LRRC1: variants seen among roughly 807,000 people sequenced by gnomAD.
LRRC1 encodes the protein leucine-rich repeat-containing protein 1.
A neutral mutation model predicts 69.9 loss-of-function variants in LRRC1; 28 were observed. The observed-to-expected ratio is 0.40, with a 90% CI of 0.30 to 0.55. The LOEUF is 0.55. LRRC1 is among the 20% of genes least tolerant of loss of function. LRRC1 has a pLI of 0.47. For missense variants in LRRC1, 498 were observed against 609.0 expected, an observed-to-expected ratio of 0.82 and a Z score of 1.92; for synonymous variants, 236 against 240.2, an observed-to-expected ratio of 0.98 and a Z score of 0.16.
intron 6 of LRRC1, 40 bp from the exon 7 acceptor site, chr6:53,897,245 T>C (rs1218280733): frequency 7.4e-7 from 1 of 1,358,932 alleles, no homozygotes; most frequent in African/African-American, 1.4e-5. Context: ...GACTGAAAAT[T>C]GAATCTTTGT....
chr6:53,900,629 G>A (rs1216639021), intron 8 of LRRC1, among the ~76,000 whole-genome samples: 1 of 152,202 alleles, frequency 6.6e-6, no homozygotes, highest in African/African-American at 2.4e-5. Flanking sequence ...GGGAGGTGCT[G>A]AAAGAGTGGC....
At chr6:53,905,411 T>G (rs1768203201) in intron 10 of LRRC1, 1 of 151,968 alleles carries the variant, frequency 6.6e-6, no homozygotes. Flanking sequence ...AGTGCTTGGT[T>G]GGAGAAGGAT....
chr6:53,884,566 T>C (rs1767409711), intron 4 of LRRC1, among the ~76,000 whole-genome samples: 1 of 152,076 alleles, frequency 6.6e-6, no homozygotes, highest in African/African-American at 2.4e-5. Flanking sequence ...ACACCCAAAC[T>C]AACACTGTCC....
intron 2 of LRRC1, among the ~76,000 whole-genome samples, chr6:53,850,967 T>C (rs76357053): frequency 0.19 from 28,979 of 152,104 alleles, 2,991 homozygotes; most frequent in Middle Eastern, 0.33. Flanking sequence ...ATCAACACTC[T>C]ATGGCCAATT....
intron 9 of LRRC1, among the ~76,000 whole-genome samples, chr6:53,903,385 C>T (rs1464438701): frequency 6.6e-6 from 1 of 152,092 alleles, no homozygotes; most frequent in African/African-American, 2.4e-5. Context: ...GGCAGCAGAT[C>T]TCAGTCGTCT....
At position 53,845,323 on chromosome 6, in the gene LRRC1, T is replaced by G. The variant is rs1023088491; in HGVS notation, c.277+3096T>G. ...CATTTCTTGGTCAAGCAGATCTCAGTATGCTTCCACTCATTTTTTGGACAG... is the reference window on the plus strand; with the variant it reads ...CATTTCTTGGTCAAGCAGATCTCAGGATGCTTCCACTCATTTTTTGGACAG... On this transcript the variant is annotated intron_variant, in intron 2 of 13. Coordinates refer to ENST00000370888, the MANE Select transcript of LRRC1 (RefSeq NM_018214.5). 3.3e-5 allele frequency among the ~76,000 whole-genome samples: 5 copies of G among 152,326 alleles called. 1 individual carries two copies. Among genetic ancestry groups the G allele is most frequent in the Admixed American group, 3.3e-4 (5 of 15,300 alleles).
chr6:53,888,778 A>G (rs9474671), intron 4 of LRRC1, among the ~76,000 whole-genome samples: 70,392 of 152,028 alleles, frequency 0.46, 16,582 homozygotes, highest in Middle Eastern at 0.53. Context: ...ACAGGGGTAA[A>G]TCTTTGTGAC....
At chr6:53,909,516 T>C (rs1434161950) in intron 10 of LRRC1, among the ~76,000 whole-genome samples, 1 of 152,164 alleles carries the variant, frequency 6.6e-6, no homozygotes, top group African/African-American at 2.4e-5. Flanking sequence ...TATCCCTTTG[T>C]GGTAAGATTT....
At chr6:53,858,981 C>T (rs1228799069) in intron 2 of LRRC1, among the ~76,000 whole-genome samples, 1 of 152,024 alleles carries the variant, frequency 6.6e-6, no homozygotes, top group African/African-American at 2.4e-5. Flanking sequence ...TTAATTAGTT[C>T]TTATATTACT....
intron 1 of LRRC1, among the ~76,000 whole-genome samples, chr6:53,820,832 A>AT (rs1304400748): frequency 1.3e-5 from 2 of 152,116 alleles, no homozygotes; most frequent in Non-Finnish European, 2.9e-5. Context: ...CTTAGTAAAT[A>AT]TTTTTTAAAA....
chr6:53,889,210 T>G (rs1445848520), intron 4 of LRRC1, among the ~76,000 whole-genome samples: 2 of 152,162 alleles, frequency 1.3e-5, no homozygotes, highest in Non-Finnish European at 2.9e-5. Flanking sequence ...TGCTAACAAG[T>G]GTTGTTCAGG....
chr6:53,830,783 G>T (rs1765403867), intron 1 of LRRC1, among the ~76,000 whole-genome samples: 1 of 151,376 alleles, frequency 6.6e-6, no homozygotes, highest in Non-Finnish European at 1.5e-5. Context: ...TGGTTAGGTT[G>T]GTGCAAAAGT....
chr6:53,818,163 A>G (rs1372615247), intron 1 of LRRC1, among the ~76,000 whole-genome samples: 1 of 152,198 alleles, frequency 6.6e-6, no homozygotes, highest in African/African-American at 2.4e-5. Flanking sequence ...AATCTATATT[A>G]ATGCTTGTAT....
chr6:53,900,018 CTGTTTTTTT>C, intron 8 of LRRC1, 127 bp downstream of exon 8: 6 of 283,930 alleles, frequency 2.1e-5, no homozygotes, highest in Non-Finnish European at 3.5e-5. Flanking sequence ...AGTCTCCTTA[CTGTTTTTTT>C]TTTTTTTTTT....
chr6:53,843,416 C>G (rs1404341052), intron 2 of LRRC1, among the ~76,000 whole-genome samples: 1 of 152,180 alleles, frequency 6.6e-6, no homozygotes, highest in African/African-American at 2.4e-5. Flanking sequence ...AATGATTCCT[C>G]CTTTCTAACA....
At chr6:53,913,499 C>T (rs944270658) in intron 10 of LRRC1, among the ~76,000 whole-genome samples, 2 of 152,154 alleles carry the variant, frequency 1.3e-5, no homozygotes, top group Admixed American at 6.5e-5. Flanking sequence ...CATATTACCA[C>T]ATAGTATTTT....
chr6:53,912,599 G>T (rs1768448439), intron 10 of LRRC1, among the ~76,000 whole-genome samples: 1 of 151,786 alleles, frequency 6.6e-6, no homozygotes, highest in Non-Finnish European at 1.5e-5. Flanking sequence ...TAAATATTGT[G>T]GTTCAATACA....
At chr6:53,843,195 C>T (rs1221641992) in intron 2 of LRRC1, among the ~76,000 whole-genome samples, 1 of 152,168 alleles carries the variant, frequency 6.6e-6, no homozygotes, top group Non-Finnish European at 1.5e-5. Flanking sequence ...TATTTCTCTC[C>T]TATTACATAC....
chr6:53,907,504 G>A (rs1229559543), intron 10 of LRRC1, among the ~76,000 whole-genome samples: 1 of 152,054 alleles, frequency 6.6e-6, no homozygotes, highest in African/African-American at 2.4e-5. Context: ...TGTGTTTTGT[G>A]GTGTTATTTG....
Sources: gnomAD v4.1 joint callset for allele counts (sites outside exome capture counted in the v4.1 genomes callset) on GRCh38, gnomAD v4.1.1 for gene constraint, MANE v1.5 for transcripts, NCBI Gene and HGNC (gene_info 2026-07-23, HGNC 2026-07-21) for gene names.